Variants in ANGPTL5 observed in about 807,000 individuals in gnomAD.
ANGPTL5 encodes the protein angiopoietin-related protein 5.
A neutral mutation model predicts 39.4 loss-of-function variants in ANGPTL5; 34 were observed. The ratio of observed to expected loss-of-function variants is 0.86; its 90% CI spans 0.66 to 1.15. The LOEUF is 1.15. Among genes scored for constraint, ANGPTL5 ranks in the 50% most tolerant of loss-of-function variants. The pLI is 0.00. For synonymous variants in ANGPTL5, 146 were observed against 152.1 expected, an observed-to-expected ratio of 0.96 and a Z score of 0.29; for missense variants, 467 against 457.5, an observed-to-expected ratio of 1.02 and a Z score of -0.19.
In ANGPTL5 at chr11:101,892,653, T is replaced by G. The variant is rs558864032; in HGVS notation, c.848-1055A>C. On this transcript the variant is annotated intron_variant, in intron 8 of 8. Coordinates refer to ENST00000334289, the MANE Select transcript of ANGPTL5 (RefSeq NM_178127.5). ...GGAGTCATATTTTGTTTCATAAAAT[T>G]CCATAAAGTTAAAGATTCTAAGTAA... Among the ~76,000 whole-genome samples, 4 of 152,322 alleles carry G rather than the reference T, an allele frequency of 2.6e-5. No individual in the cohort carries two copies. In the South Asian group the frequency reaches 8.3e-4, roughly 32 times the overall value.
intron 7 of ANGPTL5, 67 bp downstream of exon 7, chr11:101,900,363 T>A (rs777949849): frequency 6.6e-7 from 1 of 1,511,978 alleles, no homozygotes; most frequent in Admixed American, 1.7e-5. Flanking sequence ...ATCTGACCAA[T>A]AGAGGCTCTA....
intron 5 of ANGPTL5, 73 bp downstream of exon 5, chr11:101,904,741 G>A (rs1939967897): frequency 7.6e-7 from 1 of 1,323,704 alleles, no homozygotes; most frequent in Admixed American, 1.7e-5. Flanking sequence ...ACTTTTAAAT[G>A]GATCGACCTG....
chr11:101,915,215 G>A, intron 1 of ANGPTL5: 3 of 1,597,142 alleles, frequency 1.9e-6, no homozygotes, highest in South Asian at 1.1e-5. Context: ...CCGAGCAGGA[G>A]GAGGAGGAAG....
In ANGPTL5 at chr11:101,915,256, C is replaced by A. The variant is rs374652030; in HGVS notation, c.-93+763G>T. ...GCTGCCATGAGGGAGGTTCTGGGGG[C>A]GAGCAGACAGGCGGCGCTGAAGTGA... On this transcript the variant is annotated intron_variant, in intron 1 of 8. Transcript: ENST00000334289. 5.2e-5 allele frequency: 83 copies of A among 1,611,616 alleles called. 1 individual carries two copies. The highest frequency in any genetic ancestry group is 4.3e-4 in the African/African-American group (32 of 75,018).
chr11:101,905,955 A>T (rs967711811), intron 3 of ANGPTL5, 108 bp from the exon 4 acceptor site: 3 of 680,342 alleles, frequency 4.4e-6, no homozygotes, highest in Admixed American at 4.5e-5. Context: ...TTAACTCAAT[A>T]CTATCTCAAT....
At chr11:101,896,838 T>C (rs13130245) in intron 7 of ANGPTL5, among the ~76,000 whole-genome samples, 2 of 152,310 alleles carry the variant, frequency 1.3e-5, no homozygotes, top group African/African-American at 4.8e-5. Context: ...GTCTTTATAG[T>C]AGAATGATTT....
At chr11:101,909,304 G>T (rs1032761391) in intron 1 of ANGPTL5, among the ~76,000 whole-genome samples, 1 of 152,180 alleles carries the variant, frequency 6.6e-6, no homozygotes, top group African/African-American at 2.4e-5. Context: ...AGATGGTTGG[G>T]AGTGCCGGCT....
chr11:101,913,339 C>T (rs1401484340), intron 1 of ANGPTL5, among the ~76,000 whole-genome samples: 1 of 152,232 alleles, frequency 6.6e-6, no homozygotes, highest in Non-Finnish European at 1.5e-5. Context: ...GTTCAATATA[C>T]ATGCATCAGA....
intron 1 of ANGPTL5, among the ~76,000 whole-genome samples, chr11:101,911,373 C>G (rs916940051): frequency 6.6e-6 from 1 of 151,998 alleles, no homozygotes; most frequent in South Asian, 2.1e-4. Context: ...ATCCACCTGT[C>G]TTGGCCTCCC....
At chr11:101,907,454 T>C (rs1218129739) in intron 2 of ANGPTL5, among the ~76,000 whole-genome samples, 1 of 152,106 alleles carries the variant, frequency 6.6e-6, no homozygotes, top group Non-Finnish European at 1.5e-5. Flanking sequence ...CTTAATTTCC[T>C]GGGTAGCCAC....
chr11:101,915,116 C>T, intron 1 of ANGPTL5: 1 of 1,008,950 alleles, frequency 9.9e-7, no homozygotes, highest in Non-Finnish European at 1.4e-6. Context: ...GCTACAGGCA[C>T]CAGTGCCGCT....
chr11:101,905,813 T>C lies in ANGPTL5; in HGVS notation c.276A>G (p.Arg92=). ...TATTCCTTAGTAGTTTTTTGGTACT[T>C]CTTGTGTAGGAAACAATAGAATTTT... ...NLQNSIVSYT[R]STKKLLRNMM... is the part of the protein sequence containing the mutation. Residue 92 remains arginine (R), a synonymous_variant, in exon 4 of 9, where the codon AGA becomes AGG. Coordinates refer to ENST00000334289, the MANE Select transcript of ANGPTL5 (RefSeq NM_178127.5). The C allele has an allele frequency of 6.2e-7, 1 of 1,611,892 alleles. No individual in the cohort carries two copies. Among genetic ancestry groups the C allele is most frequent in the Non-Finnish European group, 8.5e-7 (1 of 1,178,834 alleles).
At chr11:101,898,733 G>A (rs934835287) in intron 7 of ANGPTL5, among the ~76,000 whole-genome samples, 8 of 152,182 alleles carry the variant, frequency 5.3e-5, no homozygotes, top group Non-Finnish European at 1.0e-4. Flanking sequence ...GTTTTTCAAA[G>A]GGAATGCTTC....
In ANGPTL5 at chr11:101,904,854, T is replaced by C. The variant is rs764544677; in HGVS notation, c.399A>G (p.Lys133=). 1.1e-5 allele frequency: 17 copies of C among 1,613,618 alleles called. No individual in the cohort carries two copies. Among genetic ancestry groups the C allele is most frequent in the Non-Finnish European group, 1.4e-5 (17 of 1,179,732 alleles). The change falls in exon 5 of 9, where the codon AAA becomes AAG. Residue 133 remains lysine, a synonymous_variant. Transcript: ENST00000334289. ...VLLLTTEVFR[K]QLDPFPHRPV... is the part of the protein sequence containing the mutation. ...GTCTGTGAGGAAAAGGATCCAGCTGTTTTCTAAAAACTTCTGTAGTCAAAA... is the reference window on the plus strand; with the variant it reads ...GTCTGTGAGGAAAAGGATCCAGCTGCTTTCTAAAAACTTCTGTAGTCAAAA...
At chr11:101,894,572 C>A (rs1939758106) in intron 8 of ANGPTL5, among the ~76,000 whole-genome samples, 1 of 152,120 alleles carries the variant, frequency 6.6e-6, no homozygotes, top group Admixed American at 6.6e-5. Flanking sequence ...TAAATGTCAG[C>A]CTCTCTGAAC....
chr11:101,914,103 G>A (rs1169569643), intron 1 of ANGPTL5, among the ~76,000 whole-genome samples: 1 of 152,196 alleles, frequency 6.6e-6, no homozygotes, highest in Admixed American at 6.5e-5. Context: ...AACTGGAAAA[G>A]TTTATTATTT....
At position 101,891,006 on chromosome 11, in the gene ANGPTL5, C is replaced by A; in HGVS notation, c.*273G>T. 4.1e-6 allele frequency: 1 copy of A among 245,460 alleles called. No individual in the cohort carries two copies. The highest frequency in any genetic ancestry group is 7.8e-6 in the Non-Finnish European group (1 of 127,818). 15.2% of individuals were successfully genotyped at this position (245,460 alleles called of 1,614,324 possible). ...AAGAAAAGGCAAAATCCTTTAAAATCACTATAAATTTTAGGAAGACAAGTT... is the reference window on the plus strand; with the variant it reads ...AAGAAAAGGCAAAATCCTTTAAAATAACTATAAATTTTAGGAAGACAAGTT... On this transcript the variant is annotated 3_prime_UTR_variant, in exon 9 of 9. Coordinates refer to ENST00000334289, the MANE Select transcript of ANGPTL5 (RefSeq NM_178127.5).
chr11:101,900,613 C>T, intron 6 of ANGPTL5, 63 bp from the exon 7 acceptor site: 6 of 1,539,260 alleles, frequency 3.9e-6, no homozygotes, highest in South Asian at 2.2e-5. Context: ...GATAATATAA[C>T]ACTCATGCTT....
At chr11:101,895,863 G>A (rs1320032851) in intron 7 of ANGPTL5, among the ~76,000 whole-genome samples, 2 of 152,088 alleles carry the variant, frequency 1.3e-5, no homozygotes, top group Non-Finnish European at 2.9e-5. Context: ...AAGAAAATAA[G>A]GGTCCAGTCA....
Sources: allele counts gnomAD v4.1 joint callset (sites outside exome capture counted in the v4.1 genomes callset), GRCh38; gene constraint gnomAD v4.1.1; transcripts MANE v1.5; gene names NCBI Gene and HGNC (gene_info 2026-07-23, HGNC 2026-07-21).